The following TRRAP variants were observed in gnomAD, a reference collection of about 807,000 sequenced individuals.
The protein encoded by TRRAP is transformation/transcription domain-associated protein.
A neutral mutation model predicts 438.8 loss-of-function variants in TRRAP; 41 were observed. That is an observed-to-expected ratio of 0.09 (90% CI 0.07 to 0.12). The LOEUF is 0.12. TRRAP is among the 10% of genes least tolerant of loss of function. The pLI, the probability that TRRAP is intolerant of heterozygous loss-of-function variation, is 1.00. For missense variants in TRRAP, 3,122 were observed against 5,055.1 expected, an observed-to-expected ratio of 0.62 and a Z score of 11.60; for synonymous variants, 1,994 against 1,962.9, an observed-to-expected ratio of 1.02 and a Z score of -0.42.
At chr7:98,879,821 G>T (rs1554402735) in intron 1 of TRRAP, among the ~76,000 whole-genome samples, 1 of 152,142 alleles carries the variant, frequency 6.6e-6, no homozygotes, top group African/African-American at 2.4e-5. Flanking sequence ...TGGCCGGAAG[G>T]AGCTCTCTAG....
chr7:98,990,434 G>C, intron 63 of TRRAP, 21 bp from the exon 64 acceptor site: 1 of 1,608,996 alleles, frequency 6.2e-7, no homozygotes, highest in South Asian at 1.1e-5. Flanking sequence ...TTCTACTCTA[G>C]AATTTCTCCT....
At chr7:98,921,056 C>T (rs1188618111) in intron 20 of TRRAP, among the ~76,000 whole-genome samples, 13 of 152,260 alleles carry the variant, frequency 8.5e-5, no homozygotes, top group African/African-American at 2.9e-4. Context: ...AGGCTGGTCT[C>T]GAACTACCGA....
chr7:98,901,340 C>G (rs931650269), intron 11 of TRRAP, among the ~76,000 whole-genome samples: 3 of 152,220 alleles, frequency 2.0e-5, no homozygotes, highest in Admixed American at 1.3e-4. Context: ...GCCGTATGAC[C>G]TCACTGAACT....
intron 67 of TRRAP, among the ~76,000 whole-genome samples, chr7:99,002,291 A>G (rs1793966482): frequency 6.6e-6 from 1 of 152,208 alleles, no homozygotes; most frequent in African/African-American, 2.4e-5. Context: ...ACACACGTGC[A>G]CACATAACTG....
intron 30 of TRRAP, among the ~76,000 whole-genome samples, chr7:98,942,635 G>A (rs976560140): frequency 6.6e-6 from 1 of 152,200 alleles, no homozygotes; most frequent in African/African-American, 2.4e-5. Context: ...ACCCAGTGTG[G>A]GAGCCGACAC....
chr7:98,903,580 G>A (rs950229579), intron 12 of TRRAP, 63 bp downstream of exon 12: 13 of 1,599,524 alleles, frequency 8.1e-6, no homozygotes, highest in Middle Eastern at 1.8e-4. Context: ...TTGGGGACTC[G>A]GCTGACATTC....
chr7:98,998,838 C>A, intron 67 of TRRAP: 1 of 290,982 alleles, frequency 3.4e-6, no homozygotes, highest in Non-Finnish European at 6.7e-6. Context: ...TTGTCTTGGC[C>A]TCATCTGCTT....
rs1429517217 is a variant in TRRAP at position 98,961,310 on chromosome 7, T to A, written c.6539T>A (p.Val2180Glu). ...GGGAATATCTGCACGGGCCTAGAAG[T>A]GCTGAGCTTCCTGCTAACTGTCCTC... ...NYGNICTGLE[V>E]LSFLLTVLQS... Residue 2180 changes from valine to glutamate, a missense_variant, in exon 46 of 73, where the codon GTG becomes GAG. Val to Glu is a moderately radical substitution (Grantham distance 121, BLOSUM62 -2). Around this residue, in one of 24 missense-constraint regions of TRRAP, gnomAD observed 992 missense variants for 1,281.2 expected, o/e 0.77. Transcript: ENST00000456197. 1 of 1,614,236 alleles carries A rather than the reference T, an allele frequency of 6.2e-7. No homozygotes were observed. The highest frequency in any genetic ancestry group is 1.3e-5 in the African/African-American group (1 of 75,074).
In TRRAP at chr7:98,956,875, G is replaced by C. The variant is rs575133621; in HGVS notation, c.6231+342G>C. 6.6e-6 allele frequency among the ~76,000 whole-genome samples: 1 copy of C among 152,162 alleles called. No individual in the cohort carries two copies. The highest frequency in any genetic ancestry group is 1.5e-5 in the Non-Finnish European group (1 of 68,040). On this transcript the variant is annotated intron_variant, in intron 43 of 72. Transcript: ENST00000456197. The surrounding 1 kb of genome is among the most constrained non-coding windows in gnomAD (Gnocchi z 4.5). ...AGTTTCTGAGAAGGACATGTGTTCT[G>C]TTTCACGAGGCAGCCACCAAGAGGG...
Position 98,963,077 on chromosome 7 carries a change from C to G in TRRAP, c.6829+650C>G, listed in dbSNP as rs557192767. On this transcript the variant is annotated intron_variant, in intron 47 of 72. Coordinates refer to ENST00000456197, the MANE Select transcript of TRRAP (RefSeq NM_001375524.1). ...CTAAGTAGAAGTCACCTGTCAGGCT[C>G]TCTTCCCAATAGCAATCAGTCCCAG... Among the ~76,000 whole-genome samples the G allele has an allele frequency of 4.6e-5, 7 of 152,360 alleles. No individual in the cohort carries two copies. The South Asian group carries it at 1.2e-3, about 27-fold the overall frequency.
chr7:98,923,207 CTG>C (rs1789878642), intron 21 of TRRAP, among the ~76,000 whole-genome samples: 1 of 152,196 alleles, frequency 6.6e-6, no homozygotes, highest in Non-Finnish European at 1.5e-5. Flanking sequence ...TTATTTGACT[CTG>C]TATAGACAAA....
chr7:98,996,771 G>A (rs1022463055), intron 67 of TRRAP, among the ~76,000 whole-genome samples: 11 of 152,280 alleles, frequency 7.2e-5, no homozygotes, highest in East Asian at 3.9e-4. Context: ...ATGCTATTCT[G>A]TGACCTTTTT....
chr7:98,917,243 A>G (rs1282564601), intron 19 of TRRAP, among the ~76,000 whole-genome samples, 180 bp from the exon 20 acceptor site: 1 of 152,162 alleles, frequency 6.6e-6, no homozygotes, highest in Non-Finnish European at 1.5e-5. Flanking sequence ...TACCACTCAG[A>G]AGGGGTCATG....
At chr7:98,952,143 TAGAC>T (rs747899414) in intron 39 of TRRAP, among the ~76,000 whole-genome samples, 136 of 152,286 alleles carry the variant, frequency 8.9e-4, no homozygotes, top group Admixed American at 1.4e-3. Context: ...TAAGACCTGG[TAGAC>T]AGACAGCGGT....
chr7:99,008,271 A>G (rs1794283008), intron 69 of TRRAP, 106 bp from the exon 70 acceptor site: 9 of 1,221,178 alleles, frequency 7.4e-6, no homozygotes, highest in African/African-American at 1.5e-5. Flanking sequence ...CCCCCAAGGC[A>G]TACAGAGCCG....
At chr7:98,957,882 G>A (rs1398962092) in intron 43 of TRRAP, 99 bp from the exon 44 acceptor site, 23 of 987,186 alleles carry the variant, frequency 2.3e-5, no homozygotes, top group Middle Eastern at 2.5e-4. Context: ...CTCTGTCCCC[G>A]GGAGGTACCG....
Position 98,927,377 on chromosome 7 carries a change from G to GGGCACGGT in TRRAP, c.3175+14_3175+21dup, listed in dbSNP as rs1790097406. 6.2e-7 allele frequency: 1 copy of GGGCACGGT among 1,613,498 alleles called. No homozygotes were observed. The highest frequency in any genetic ancestry group is 1.3e-5 in the African/African-American group (1 of 75,058). On this transcript the variant is annotated intron_variant, in intron 23 of 72. Transcript: ENST00000456197. ...TCGCCCAGCAGTGTGGTGAGCACGGGGGCACGGTGGGGCACGGGATTGGTT... is the reference window on the plus strand; with the variant it reads ...TCGCCCAGCAGTGTGGTGAGCACGGGGGCACGGTGGCACGGTGGGGCACGGGATTGGTT...
chr7:98,937,425 A>C (rs1460451408), intron 29 of TRRAP, 148 bp downstream of exon 29: 8 of 1,245,692 alleles, frequency 6.4e-6, no homozygotes, highest in Non-Finnish European at 5.4e-6. Flanking sequence ...ACTAAACTGT[A>C]ATAAGAATAT....
intron 67 of TRRAP, chr7:98,999,104 C>G: frequency 6.8e-7 from 1 of 1,472,192 alleles, no homozygotes; most frequent in Non-Finnish European, 9.3e-7. Context: ...TTGACCTGGC[C>G]AGGAGTGGCC....
Sources: gnomAD v4.1 joint callset for allele counts (sites outside exome capture counted in the v4.1 genomes callset) on GRCh38, gnomAD v4.1.1 for gene constraint, gnomAD v4.1.1 regional missense constraint, Gnocchi (gnomAD v3.1) non-coding constraint, MANE v1.5 for transcripts, NCBI Gene and HGNC (gene_info 2026-07-23, HGNC 2026-07-21) for gene names.